COL15A1: variants seen among roughly 807,000 people sequenced by gnomAD.
COL15A1 encodes collagen type XV alpha 1 chain.
COL15A1 carries 111 observed loss-of-function variants against 165.9 expected under a neutral mutation model. The observed-to-expected ratio is 0.67, with a 90% confidence interval of 0.57 to 0.78. COL15A1 has a LOEUF of 0.78. COL15A1 is among the 30% of genes least tolerant of loss of function. The probability of loss-of-function intolerance (pLI) is 0.00; values close to 1 mark genes in which losing one functional copy is unlikely to be tolerated. For synonymous variants in COL15A1, 659 were observed against 674.8 expected (o/e 0.98, Z 0.36); for missense variants, 1,745 against 1,789.7 (o/e 0.98, Z 0.45).
intron 2 of COL15A1, among the ~76,000 whole-genome samples, chr9:98,974,892 A>G (rs1838117755): frequency 6.6e-6 from 1 of 152,224 alleles, no homozygotes; most frequent in Admixed American, 6.5e-5. Flanking sequence ...CTCGGTGCAG[A>G]GAAACAGCAG....
Position 98,989,157 on chromosome 9 carries a change from GCA to G in COL15A1, c.724-18_724-17del, listed in dbSNP as rs749787528. 73 of 1,605,598 alleles carry G rather than the reference GCA, an allele frequency of 4.5e-5. 1 individual carries two copies. The South Asian group carries it at 6.8e-4, about 15-fold the overall frequency. On this transcript the variant is annotated intron_variant, in intron 4 of 41. Coordinates refer to ENST00000375001, the MANE Select transcript of COL15A1 (RefSeq NM_001855.5). ...CCCTGCCCGCTCTGCCCGGTGTGTG[GCA>G]CAGTTTGTCTCCACACAGGCATCTG...
Position 99,040,569 on chromosome 9 carries a change from C to A in COL15A1, c.2511+13C>A. 1.2e-6 allele frequency: 2 copies of A among 1,614,232 alleles called. No homozygotes were observed. Among genetic ancestry groups the A allele is most frequent in the Non-Finnish European group, 1.7e-6 (2 of 1,180,038 alleles). ...GCCAGGATTTCCAGTAAGTACCACC[C>A]TCGCTGTCTTCTATCTGTGCCCCGT... is the stretch of plus-strand genomic sequence containing the variant. On this transcript the variant is annotated intron_variant, in intron 23 of 41. Coordinates refer to ENST00000375001, the MANE Select transcript of COL15A1 (RefSeq NM_001855.5).
chr9:99,015,307 G>T, intron 9 of COL15A1, 110 bp from the exon 10 acceptor site: 1 of 730,664 alleles, frequency 1.4e-6, no homozygotes. Flanking sequence ...AGGGAATCAT[G>T]GAGCCTCCAG....
In COL15A1 at chr9:98,956,710, C is replaced by T. The variant is rs186352354; in HGVS notation, c.100+12460C>T. ...ACAGTAATCTTCTAGCTTCTTGCCA[C>T]TCAATCTTCTTGCTTCTAGCATCTT... On this transcript the variant is annotated intron_variant, in intron 2 of 41. Transcript: ENST00000375001. Among the ~76,000 whole-genome samples, 18 of 152,318 alleles carry T rather than the reference C, an allele frequency of 1.2e-4. 1 individual carries two copies. The highest frequency in any genetic ancestry group is 3.4e-3 in the Middle Eastern group (1 of 294).
Position 99,067,067 on chromosome 9 carries a change from G to A in COL15A1, c.3837G>A (p.Lys1279=), listed in dbSNP as rs1023421832. 6.2e-7 allele frequency: 1 copy of A among 1,611,652 alleles called. No homozygotes were observed. Among genetic ancestry groups the A allele is most frequent in the Non-Finnish European group, 8.5e-7 (1 of 1,178,754 alleles). Residue 1279 remains lysine, a splice_region_variant and synonymous_variant, in exon 40 of 42, where the codon AAG becomes AAA. Coordinates refer to ENST00000375001, the MANE Select transcript of COL15A1 (RefSeq NM_001855.5). The part of the protein sequence containing the change: ...ERYSLPIVNL[K]GQVLFNNWDS... ...ACAGCCTTCCCATAGTGAACCTCAA[G>A]GTAAAAATAAATATGGTTCCCATTG... is the stretch of plus-strand genomic sequence containing the variant.
At chr9:99,031,505 AAG>A (rs1839212669) in intron 16 of COL15A1, among the ~76,000 whole-genome samples, 1 of 152,174 alleles carries the variant, frequency 6.6e-6, no homozygotes, top group Admixed American at 6.5e-5. Flanking sequence ...GTGAAGGAGA[AAG>A]GGGGAGATTG....
chr9:99,054,502 C>G, intron 31 of COL15A1, 74 bp from the exon 32 acceptor site: 4 of 1,471,218 alleles, frequency 2.7e-6, no homozygotes, highest in Non-Finnish European at 3.6e-6. Context: ...GTTTGAAAAC[C>G]TGTCTCAGAA....
In COL15A1 at chr9:98,948,582, G is replaced by A. The variant is rs570855886; in HGVS notation, c.100+4332G>A. Among the ~76,000 whole-genome samples the A allele has an allele frequency of 2.1e-5, 3 of 139,682 alleles. No homozygotes were observed. The East Asian group carries it at 6.4e-4, about 30-fold the overall frequency. The allele number at this position is 139,682 out of a possible 152,430, so 91.6% of individuals were successfully genotyped here. ...CACTGCACTCCAGCCTGGCAACAGA[G>A]GGAGACTCTGTCTCAAAAAAAAAAA... On this transcript the variant is annotated intron_variant, in intron 2 of 41. Transcript: ENST00000375001.
chr9:99,035,981 C>A (rs1010837392), intron 19 of COL15A1, among the ~76,000 whole-genome samples, 189 bp from the exon 20 acceptor site: 1 of 152,080 alleles, frequency 6.6e-6, no homozygotes, highest in African/African-American at 2.4e-5. Context: ...GGGAGAGGGC[C>A]GCTGATTCTC....
At chr9:98,992,215 G>T (rs1202793382) in intron 5 of COL15A1, among the ~76,000 whole-genome samples, 1 of 152,242 alleles carries the variant, frequency 6.6e-6, no homozygotes, top group Admixed American at 6.5e-5. Flanking sequence ...CAGGGGGCTC[G>T]GGCATGGCAG....
At chr9:98,996,841 T>A in intron 5 of COL15A1, 93 bp from the exon 6 acceptor site, 2 of 1,544,748 alleles carry the variant, frequency 1.3e-6, no homozygotes, top group Non-Finnish European at 1.8e-6. Flanking sequence ...CAGCATCTTG[T>A]GGATATATTA....
At chr9:99,053,932 A>G (rs1825667907) in intron 31 of COL15A1, among the ~76,000 whole-genome samples, 2 of 152,038 alleles carry the variant, frequency 1.3e-5, no homozygotes, top group African/African-American at 4.8e-5. Flanking sequence ...AAAGGGAACC[A>G]CTTCCCTTCC....
chr9:99,044,242 T>A (rs1037619633), intron 24 of COL15A1, among the ~76,000 whole-genome samples: 3 of 151,578 alleles, frequency 2.0e-5, no homozygotes, highest in Non-Finnish European at 2.9e-5. Flanking sequence ...GGGTTGAGAG[T>A]GAGGATGCAA....
chr9:98,985,870 C>T lies in COL15A1; in HGVS notation c.406C>T (p.Leu136Phe), dbSNP rs1838303287. 3 of 1,613,860 alleles carry T rather than the reference C, an allele frequency of 1.9e-6. No homozygotes were observed. The highest frequency in any genetic ancestry group is 2.5e-6 in the Non-Finnish European group (3 of 1,180,032). The change falls in exon 3 of 42, where the codon CTC (leucine) becomes TTC (phenylalanine). Residue 136 changes from leucine to phenylalanine, a missense_variant. Leu to Phe is a conservative substitution (Grantham distance 22). Coordinates refer to ENST00000375001, the MANE Select transcript of COL15A1 (RefSeq NM_001855.5). ...GGAGGACGGCCACCAGCGGATCATC[C>T]TCTACTACACGGAGCCAGGCTCCCA... ...GVEDGHQRII[L>F]YYTEPGSHVS... is the part of the protein sequence containing the mutation.
intron 37 of COL15A1, 52 bp downstream of exon 37, chr9:99,062,151 A>C (rs1825826311): frequency 1.9e-6 from 3 of 1,607,856 alleles, no homozygotes; most frequent in Non-Finnish European, 2.6e-6. Flanking sequence ...CTCTAAAAAT[A>C]ATAATCTACT....
At chr9:98,951,822 T>C (rs2118760670) in intron 2 of COL15A1, among the ~76,000 whole-genome samples, 1 of 152,300 alleles carries the variant, frequency 6.6e-6, no homozygotes, top group South Asian at 2.1e-4. Flanking sequence ...CCTCCCAAAG[T>C]GCTGGGATTA....
chr9:98,968,147 A>G (rs1177866836), intron 2 of COL15A1, among the ~76,000 whole-genome samples: 1 of 152,164 alleles, frequency 6.6e-6, no homozygotes, highest in Non-Finnish European at 1.5e-5. Context: ...CCTCATCTAT[A>G]AAAACAAAGG....
At chr9:98,952,768 T>C (rs1837711337) in intron 2 of COL15A1, among the ~76,000 whole-genome samples, 1 of 152,252 alleles carries the variant, frequency 6.6e-6, no homozygotes, top group Admixed American at 6.5e-5. Flanking sequence ...GTGTGAGCTA[T>C]TGCCTCATCA....
chr9:99,028,554 G>T (rs1433593741), intron 16 of COL15A1, among the ~76,000 whole-genome samples: 1 of 152,120 alleles, frequency 6.6e-6, no homozygotes, highest in East Asian at 1.9e-4. Context: ...GGGAGGCTGA[G>T]GTGGGAGAAT....
Sources: allele counts gnomAD v4.1 joint callset (sites outside exome capture counted in the v4.1 genomes callset), GRCh38; gene constraint gnomAD v4.1.1; transcripts MANE v1.5; gene names NCBI Gene and HGNC (gene_info 2026-07-23, HGNC 2026-07-21).